Variants in PDZRN3 observed in about 807,000 individuals in gnomAD.
PDZRN3 encodes PDZ domain containing ring finger 3.
A neutral mutation model predicts 85.7 loss-of-function variants in PDZRN3; 38 were observed. The ratio of observed to expected loss-of-function variants is 0.44; its 90% confidence interval spans 0.34 to 0.58. The LOEUF (loss-of-function observed/expected upper bound fraction) is 0.58, where lower values mean the gene tolerates loss of function less well. Ranked by LOEUF, PDZRN3 falls within the 20% of genes least tolerant of loss-of-function variation. The pLI, the probability that PDZRN3 is intolerant of heterozygous loss-of-function variation, is 0.01. For synonymous variants in PDZRN3, 759 were observed against 638.0 expected (o/e 1.19, Z -2.86); for missense variants, 1,629 against 1,506.4 (o/e 1.08, Z -1.35).
At chr3:73,416,891 T>TTTTTTTTTTTTTTTG (rs1559667744) in intron 3 of PDZRN3, among the ~76,000 whole-genome samples, 1 of 139,158 alleles carries the variant, frequency 7.2e-6, no homozygotes, top group African/African-American at 2.8e-5. Flanking sequence ...TTTTTTTTTT[T>TTTTTTTTTTTTTTTG]TTTTTTTTTT....
At chr3:73,434,072 A>G in intron 3 of PDZRN3, 1 of 458,870 alleles carries the variant, frequency 2.2e-6, no homozygotes, top group South Asian at 9.3e-5. Context: ...TATTCATAAC[A>G]GACAATGATA....
intron 3 of PDZRN3, chr3:73,433,494 C>G: frequency 1.7e-6 from 1 of 596,358 alleles, no homozygotes; most frequent in Non-Finnish European, 2.9e-6. Context: ...AGAGAAAATA[C>G]ACAAAAAAGT....
At position 73,537,576 on chromosome 3, in the gene PDZRN3, T is replaced by A. The variant is rs546292343; in HGVS notation, c.918+64778A>T. ...TTCTGAAATTATGGACAGTACTAGTTAATGAAAGGCCAATAAGACCTGTTA... is the reference window on the plus strand; with the variant it reads ...TTCTGAAATTATGGACAGTACTAGTAAATGAAAGGCCAATAAGACCTGTTA... On this transcript the variant is annotated intron_variant, in intron 3 of 9. Transcript: ENST00000263666. 1.2e-3 allele frequency among the ~76,000 whole-genome samples: 177 copies of A among 152,112 alleles called. 1 individual carries two copies. Among genetic ancestry groups the A allele is most frequent in the African/African-American group, 4.1e-3 (172 of 41,452 alleles).
At chr3:73,619,365 G>A (rs1047443874) in intron 1 of PDZRN3, among the ~76,000 whole-genome samples, 1 of 152,206 alleles carries the variant, frequency 6.6e-6, no homozygotes, top group African/African-American at 2.4e-5. Flanking sequence ...TTACAGCTAT[G>A]ATAAATGCCA....
chr3:73,623,773 A>G (rs906106675), intron 1 of PDZRN3: 4 of 236,512 alleles, frequency 1.7e-5, no homozygotes, highest in African/African-American at 9.0e-5. Flanking sequence ...TGAGCAGCAA[A>G]GCCTTTGAAC....
intron 3 of PDZRN3, among the ~76,000 whole-genome samples, chr3:73,445,680 A>AT (rs1484435322): frequency 6.6e-6 from 1 of 152,260 alleles, no homozygotes; most frequent in Non-Finnish European, 1.5e-5. Context: ...ATTCTCTGAG[A>AT]AAATATAACA....
At chr3:73,449,009 C>G (rs920998297) in intron 3 of PDZRN3, among the ~76,000 whole-genome samples, 1 of 152,206 alleles carries the variant, frequency 6.6e-6, no homozygotes, top group South Asian at 2.1e-4. Flanking sequence ...GGACTTTGAA[C>G]CTCTGATTCT....
intron 3 of PDZRN3, among the ~76,000 whole-genome samples, chr3:73,550,230 G>C (rs1701519750): frequency 6.6e-6 from 1 of 152,172 alleles, no homozygotes. Context: ...GAAATGCAAA[G>C]TCTCGCCGCC....
chr3:73,475,850 T>C (rs1258078432), intron 3 of PDZRN3, among the ~76,000 whole-genome samples: 1 of 152,224 alleles, frequency 6.6e-6, no homozygotes, highest in Non-Finnish European at 1.5e-5. Context: ...AAGCGTTTGA[T>C]ACCATCTCAG....
In PDZRN3 at chr3:73,429,124, C is replaced by T. The variant is rs186979788; in HGVS notation, c.919-24729G>A. Among the ~76,000 whole-genome samples, 9 of 152,144 alleles carry T rather than the reference C, an allele frequency of 5.9e-5. No homozygotes were observed. In the East Asian group the frequency reaches 1.7e-3, roughly 30 times the overall value. On this transcript the variant is annotated intron_variant, in intron 3 of 9. Transcript: ENST00000263666. The stretch of plus-strand genomic sequence containing the variant: ...TGGGATCTCATCAAGTTGCCCTGGC[C>T]ATTCCTGAACTCCTGGGCTCGAGCA...
chr3:73,402,008 A>AC, intron 4 of PDZRN3: 1 of 152,362 alleles, frequency 6.6e-6, no homozygotes, highest in Non-Finnish European at 1.5e-5. Flanking sequence ...TACTGCCTGC[A>AC]CTTAAAGGGC....
intron 3 of PDZRN3, among the ~76,000 whole-genome samples, chr3:73,574,532 C>G (rs998203863): frequency 6.6e-6 from 1 of 151,976 alleles, no homozygotes; most frequent in Non-Finnish European, 1.5e-5. Context: ...AACCTCAGCT[C>G]ACTGCAACCT....
chr3:73,504,971 T>C (rs1201626590), intron 3 of PDZRN3, among the ~76,000 whole-genome samples: 2 of 152,226 alleles, frequency 1.3e-5, no homozygotes, highest in Non-Finnish European at 2.9e-5. Context: ...ATGAATGTGC[T>C]TGTGATAGGA....
At chr3:73,440,928 GCA>G (rs368774077) in intron 3 of PDZRN3, among the ~76,000 whole-genome samples, 1 of 152,194 alleles carries the variant, frequency 6.6e-6, no homozygotes, top group African/African-American at 2.4e-5. Flanking sequence ...AGGTATTGAA[GCA>G]CAGTCTGTGG....
intron 3 of PDZRN3, among the ~76,000 whole-genome samples, chr3:73,432,921 T>C (rs1490284147): frequency 3.3e-5 from 5 of 151,992 alleles, no homozygotes. Flanking sequence ...TAGTTAAGAG[T>C]AGGACTTGAA....
At chr3:73,432,737 C>T (rs1387313078) in intron 3 of PDZRN3, among the ~76,000 whole-genome samples, 1 of 152,134 alleles carries the variant, frequency 6.6e-6, no homozygotes, top group Non-Finnish European at 1.5e-5. Context: ...TCAAGAAACA[C>T]ACACCCTTTG....
intron 3 of PDZRN3, among the ~76,000 whole-genome samples, chr3:73,483,278 T>A (rs1308469014): frequency 1.3e-5 from 2 of 152,200 alleles, no homozygotes; most frequent in Admixed American, 1.3e-4. Flanking sequence ...AACTTGCTTT[T>A]TCCCCATTTG....
rs192257011 is a variant in PDZRN3 at position 73,565,929 on chromosome 3, C to T, written c.918+36425G>A. On this transcript the variant is annotated intron_variant, in intron 3 of 9. Coordinates refer to ENST00000263666, the MANE Select transcript of PDZRN3 (RefSeq NM_015009.3). Reference sequence around the variant, plus strand: ...ACCAATTCCTGAGGCTTATCCTGTGCGATAAGGATTTTTATGTCAAAGACA... The same window carrying T: ...ACCAATTCCTGAGGCTTATCCTGTGTGATAAGGATTTTTATGTCAAAGACA... 1.8e-3 allele frequency among the ~76,000 whole-genome samples: 281 copies of T among 151,916 alleles called. 1 individual carries two copies. The highest frequency in any genetic ancestry group is 6.5e-3 in the African/African-American group (270 of 41,386).
chr3:73,537,492 G>A (rs940832041), intron 3 of PDZRN3, among the ~76,000 whole-genome samples: 6 of 152,168 alleles, frequency 3.9e-5, no homozygotes, highest in Non-Finnish European at 2.9e-5. Flanking sequence ...GAAATGTGTT[G>A]ATATTTGGCA....
Sources: allele counts gnomAD v4.1 joint callset (sites outside exome capture counted in the v4.1 genomes callset), GRCh38; gene constraint gnomAD v4.1.1; transcripts MANE v1.5; gene names NCBI Gene and HGNC (gene_info 2026-07-23, HGNC 2026-07-21).